HNRNPD: variants seen among roughly 807,000 people sequenced by gnomAD.
HNRNPD encodes heterogeneous nuclear ribonucleoprotein D.
HNRNPD carries 3 observed loss-of-function variants against 47.9 expected under a neutral mutation model. The observed-to-expected ratio is 0.06, with a 90% CI of 0.03 to 0.16. HNRNPD has a LOEUF of 0.16. Among genes scored for constraint, HNRNPD ranks in the 10% least tolerant of loss-of-function variants. The pLI, the probability that HNRNPD is intolerant of heterozygous loss-of-function variation, is 1.00. For missense variants in HNRNPD, 287 were observed against 454.2 expected (o/e 0.63, Z 3.35); for synonymous variants, 171 against 165.1 (o/e 1.04, Z -0.28).
chr4:82,357,887 G>C (rs1723788702), intron 4 of HNRNPD: 1 of 153,090 alleles, frequency 6.5e-6, no homozygotes, highest in South Asian at 2.1e-4. Flanking sequence ...CAGGAGGGCA[G>C]CGTCAGTTCC....
At chr4:82,361,335 A>G (rs763347315) in intron 2 of HNRNPD, among the ~76,000 whole-genome samples, 10 of 152,350 alleles carry the variant, frequency 6.6e-5, no homozygotes, top group African/African-American at 1.2e-4. Context: ...TGAGTACACT[A>G]TATTTTTAAT....
chr4:82,363,032 A>ATATATGTG (rs1553895786), intron 2 of HNRNPD, among the ~76,000 whole-genome samples: 1 of 148,932 alleles, frequency 6.7e-6, no homozygotes. Flanking sequence ...TTATATATAT[A>ATATATGTG]TGTGTGTGTG....
intron 2 of HNRNPD, among the ~76,000 whole-genome samples, chr4:82,362,294 C>T (rs769190760): frequency 6.6e-6 from 1 of 152,140 alleles, no homozygotes; most frequent in Admixed American, 6.5e-5. Context: ...GTCTCCCTTC[C>T]GTTTTGCAGA....
chr4:82,363,082 A>AT (rs965132136), intron 2 of HNRNPD, among the ~76,000 whole-genome samples: 1 of 148,296 alleles, frequency 6.7e-6, no homozygotes, highest in Non-Finnish European at 1.5e-5. Flanking sequence ...ACAAATACTT[A>AT]TTTTTTTCTT....
intron 2 of HNRNPD, among the ~76,000 whole-genome samples, chr4:82,364,542 T>C (rs1719654120): frequency 6.6e-6 from 1 of 152,250 alleles, no homozygotes; most frequent in Admixed American, 6.5e-5. Flanking sequence ...GCATAGGCTT[T>C]ATAAACTTTC....
intron 2 of HNRNPD, among the ~76,000 whole-genome samples, chr4:82,366,207 C>T (rs912569748): frequency 6.6e-6 from 1 of 152,068 alleles, no homozygotes; most frequent in African/African-American, 2.4e-5. Flanking sequence ...TACTAAAAAG[C>T]GAAGTTGAAA....
chr4:82,369,068 A>G (rs1719903059), intron 2 of HNRNPD, among the ~76,000 whole-genome samples: 1 of 152,260 alleles, frequency 6.6e-6, no homozygotes, highest in Non-Finnish European at 1.5e-5. Context: ...CCTACCTTGT[A>G]AAACTATCTC....
chr4:82,360,200 T>C (rs1417850901), intron 2 of HNRNPD, among the ~76,000 whole-genome samples: 2 of 152,096 alleles, frequency 1.3e-5, no homozygotes, highest in African/African-American at 2.4e-5. Context: ...ATGTGCAATA[T>C]AAACAATTTA....
rs766703230 is a variant in HNRNPD, at chr4:82,357,448, G to T, written c.622-4C>A. On this transcript the variant is annotated splice_polypyrimidine_tract_variant and splice_region_variant and intron_variant, in intron 4 of 8. Transcript: ENST00000313899. ...TGGGGAGCTCTATGGATTCCACCTGGTATTAAAAAACAAATTTTAATATGC... is the reference window on the plus strand; with the variant it reads ...TGGGGAGCTCTATGGATTCCACCTGTTATTAAAAAACAAATTTTAATATGC... The T allele has an allele frequency of 5.0e-6, 8 of 1,588,224 alleles. No homozygotes were observed. The South Asian group carries it at 9.3e-5, about 18-fold the overall frequency.
chr4:82,373,569 G>A lies in HNRNPD; in HGVS notation c.110C>T (p.Ala37Val), dbSNP rs1720241421. The A allele has an allele frequency of 7.8e-6, 12 of 1,537,172 alleles. No homozygotes were observed. The highest frequency in any genetic ancestry group is 1.0e-5 in the Non-Finnish European group (12 of 1,143,320). Residue 37 changes from alanine (A) to valine (V), a missense_variant, in exon 1 of 9, where the codon GCA becomes GTA. Coordinates refer to ENST00000313899, the MANE Select transcript of HNRNPD (RefSeq NM_031370.3). ...EGAMVAATQG[A>V]AAAAGSGAGT... ...GGCTCCGCTTCCCGCCGCCGCCGCTGCCCCCTGTGTCGCCGCCACCATGGC... is the reference window on the plus strand; with the variant it reads ...GGCTCCGCTTCCCGCCGCCGCCGCTACCCCCTGTGTCGCCGCCACCATGGC...
chr4:82,369,009 G>A (rs1719897886), intron 2 of HNRNPD, among the ~76,000 whole-genome samples: 1 of 152,130 alleles, frequency 6.6e-6, no homozygotes, highest in Non-Finnish European at 1.5e-5. Context: ...TAAGTGAATG[G>A]GGGGACTTTT....
intron 1 of HNRNPD, chr4:82,373,114 G>C (rs1409684108): frequency 1.8e-6 from 1 of 556,762 alleles, no homozygotes; most frequent in South Asian, 1.5e-5. Context: ...AAAGAAAAAA[G>C]GTACCCCACG....
intron 2 of HNRNPD, among the ~76,000 whole-genome samples, chr4:82,364,664 T>C (rs997576651): frequency 6.6e-6 from 1 of 152,166 alleles, no homozygotes; most frequent in Admixed American, 6.6e-5. Flanking sequence ...TGTAAAAAAA[T>C]ATATAAACTA....
intron 1 of HNRNPD, among the ~76,000 whole-genome samples, chr4:82,372,894 C>T (rs1030669005): frequency 2.0e-5 from 3 of 152,126 alleles, no homozygotes; most frequent in African/African-American, 2.4e-5. Context: ...TTCAAAATCC[C>T]AAGAAAACAG....
chr4:82,363,690 A>C (rs1407364968), intron 2 of HNRNPD, among the ~76,000 whole-genome samples: 1 of 152,212 alleles, frequency 6.6e-6, no homozygotes, highest in Non-Finnish European at 1.5e-5. Flanking sequence ...AACATAGTTG[A>C]GTATCTTAAT....
chr4:82,356,357 ATG>A (rs1723712907), intron 7 of HNRNPD, 178 bp downstream of exon 7: 2 of 577,440 alleles, frequency 3.5e-6, no homozygotes, highest in Non-Finnish European at 3.1e-6. Flanking sequence ...TACCCTTATA[ATG>A]TGTGTGTGAT....
chr4:82,360,806 C>G (rs1194467436), intron 2 of HNRNPD, among the ~76,000 whole-genome samples: 1 of 152,068 alleles, frequency 6.6e-6, no homozygotes, highest in African/African-American at 2.4e-5. Flanking sequence ...ATTAACTGTC[C>G]CTTGAATTAG....
chr4:82,353,061 T>C lies in HNRNPD; in HGVS notation c.*1124A>G, dbSNP rs555745086. 6.6e-6 allele frequency: 1 copy of C among 152,330 alleles called. No homozygotes were observed. Among genetic ancestry groups the C allele is most frequent in the Non-Finnish European group, 1.5e-5 (1 of 68,024 alleles). The allele number at this position is 152,330 out of a possible 1,614,324, so 9.4% of individuals were successfully genotyped here. On this transcript the variant is annotated 3_prime_UTR_variant, in exon 9 of 9. Transcript: ENST00000313899. The stretch of plus-strand genomic sequence containing the variant: ...CTTAAGTAATACCTACAAACGATTT[T>C]CCATTCAAGTTGATGGGTATCAATT...
chr4:82,358,429 G>T, intron 4 of HNRNPD: 3 of 396,416 alleles, frequency 7.6e-6, no homozygotes, highest in East Asian at 3.9e-5. Context: ...TTTCATCTTT[G>T]TATACTCTAC....
Sources: gnomAD v4.1 joint callset for allele counts (sites outside exome capture counted in the v4.1 genomes callset) on GRCh38, gnomAD v4.1.1 for gene constraint, MANE v1.5 for transcripts, NCBI Gene and HGNC (gene_info 2026-07-23, HGNC 2026-07-21) for gene names.